Variants in SEPTIN9 observed in about 807,000 individuals in gnomAD.
SEPTIN9 encodes septin-9.
In SEPTIN9, 13 loss-of-function variants were observed where a neutral mutation model predicts 56.6. The ratio of observed to expected loss-of-function variants is 0.23; its 90% CI spans 0.15 to 0.37. The LOEUF is 0.37. Ranked by LOEUF, SEPTIN9 falls within the 10% of genes least tolerant of loss-of-function variation. The pLI, the probability that SEPTIN9 is intolerant of heterozygous loss-of-function variation, is 1.00. For missense variants in SEPTIN9, 650 were observed against 823.1 expected, an observed-to-expected ratio of 0.79 and a Z score of 2.57; for synonymous variants, 332 against 334.1, an observed-to-expected ratio of 0.99 and a Z score of 0.07.
intron 2 of SEPTIN9, among the ~76,000 whole-genome samples, chr17:77,351,499 C>T (rs937114400): frequency 6.6e-6 from 1 of 152,164 alleles, no homozygotes; most frequent in Admixed American, 6.5e-5. Flanking sequence ...TTGGGAGACA[C>T]GTCTGCAGCT....
Position 77,319,121 on chromosome 17 carries a change from C to T in SEPTIN9, c.76+11924C>T, listed in dbSNP as rs1000197578. On this transcript the variant is annotated intron_variant, in intron 2 of 11. Coordinates refer to ENST00000427177, the MANE Select transcript of SEPTIN9 (RefSeq NM_001113491.2). The surrounding 1 kb of genome is among the most constrained non-coding windows in gnomAD (Gnocchi z 5.3). ...CAGCCTTGGCACAAACACACATTCTCTTTAAACAGGCTTGGGCCAACAGAA... is the reference window on the plus strand; with the variant it reads ...CAGCCTTGGCACAAACACACATTCTTTTTAAACAGGCTTGGGCCAACAGAA... Among the ~76,000 whole-genome samples the T allele has an allele frequency of 4.6e-5, 7 of 152,220 alleles. No homozygotes were observed. The highest frequency in any genetic ancestry group is 1.7e-4 in the African/African-American group (7 of 41,452).
rs369845767 is a variant in SEPTIN9, at chr17:77,475,802, G to A, written c.722-6342G>A. Reference sequence around the variant, plus strand: ...CTGACAGGGTGTGGTGAGTGCCACCGGCTCCCCTGCCGTGGCCTGGTCAGT... The same window carrying A: ...CTGACAGGGTGTGGTGAGTGCCACCAGCTCCCCTGCCGTGGCCTGGTCAGT... On this transcript the variant is annotated intron_variant, in intron 3 of 11. Coordinates refer to ENST00000427177, the MANE Select transcript of SEPTIN9 (RefSeq NM_001113491.2). This position sits in a 1 kb window ranked among gnomAD's most constrained non-coding sequence, Gnocchi z 4.6. 5.6e-6 allele frequency: 9 copies of A among 1,613,318 alleles called. No homozygotes were observed. In the African/African-American group the frequency reaches 9.3e-5, roughly 17 times the overall value.
At chr17:77,381,049 G>C (rs1388194609) in intron 2 of SEPTIN9, among the ~76,000 whole-genome samples, 3 of 152,216 alleles carry the variant, frequency 2.0e-5, no homozygotes, top group African/African-American at 7.2e-5. Flanking sequence ...GTGGCATGAA[G>C]AACATTCCTG....
chr17:77,407,481 C>A (rs2036131891), intron 3 of SEPTIN9, among the ~76,000 whole-genome samples: 1 of 151,906 alleles, frequency 6.6e-6, no homozygotes, highest in Non-Finnish European at 1.5e-5. Flanking sequence ...TCCTGGTCAA[C>A]TTTACCCCCA....
rs773077664 is a variant in SEPTIN9 at position 77,492,627 on chromosome 17, G to A, written c.1387G>A (p.Ala463Thr). 1.4e-5 allele frequency: 23 copies of A among 1,613,852 alleles called. No individual in the cohort carries two copies. Among genetic ancestry groups the A allele is most frequent in the Non-Finnish European group, 1.9e-5 (23 of 1,179,924 alleles). Residue 463 changes from alanine (A) to threonine (T), a missense_variant, in exon 9 of 12, where the codon GCA becomes ACA. This residue lies in a region of SEPTIN9 where 333 missense variants were observed against 494.0 expected (regional missense o/e 0.67). Transcript: ENST00000427177. This position sits in a 1 kb window ranked among gnomAD's most constrained non-coding sequence, Gnocchi z 5.4. ...ERVHFKQRIT[A>T]DLLSNGIDVY... The stretch of plus-strand genomic sequence containing the variant: ...CTCTCCCTCCTTATCCCAGATCACC[G>A]CAGACCTGCTGTCCAACGGCATCGA...
At chr17:77,312,022 C>A (rs183751731) in intron 2 of SEPTIN9, among the ~76,000 whole-genome samples, 9 of 152,176 alleles carry the variant, frequency 5.9e-5, no homozygotes, top group African/African-American at 2.2e-4. Flanking sequence ...CCCCAGCACC[C>A]CCAGGTCTCA....
At position 77,499,486 on chromosome 17, in the gene SEPTIN9, GA is replaced by G. The variant is rs763953275; in HGVS notation, c.*832del. 92 of 506,284 alleles carry G rather than the reference GA, an allele frequency of 1.8e-4. No homozygotes were observed. Among genetic ancestry groups the G allele is most frequent in the Non-Finnish European group, 2.7e-4 (71 of 260,042 alleles). The allele number at this position is 506,284 out of a possible 1,614,324, so 31.4% of individuals were successfully genotyped here. A position where few individuals can be genotyped will look rare whatever the true frequency, so the allele number is the denominator to read the frequency against. On this transcript the variant is annotated 3_prime_UTR_variant, in exon 12 of 12. Transcript: ENST00000427177. ...CCCTACCCCCTCATCCCCCAGTTTT[GA>G]AAAGGTCTAAGCAAGTGAGTCTGGT...
chr17:77,491,005 G>A (rs889535421), intron 8 of SEPTIN9, 146 bp downstream of exon 8: 4 of 691,780 alleles, frequency 5.8e-6, no homozygotes, highest in Middle Eastern at 7.5e-4. Flanking sequence ...CTGGCCTGGT[G>A]GTCCCTGGCC....
chr17:77,337,195 G>C (rs1056422889), intron 2 of SEPTIN9, among the ~76,000 whole-genome samples: 1 of 151,922 alleles, frequency 6.6e-6, no homozygotes, highest in African/African-American at 2.4e-5. Context: ...TTTTTGTACA[G>C]ATGGGGTCTC....
chr17:77,447,661 G>T (rs541574784), intron 3 of SEPTIN9, among the ~76,000 whole-genome samples: 1 of 152,370 alleles, frequency 6.6e-6, no homozygotes, highest in South Asian at 2.1e-4. Flanking sequence ...GTCTCGCTCT[G>T]TCGCCCAGGC....
intron 2 of SEPTIN9, among the ~76,000 whole-genome samples, chr17:77,332,922 T>TA (rs1222166153): frequency 1.3e-5 from 2 of 152,232 alleles, no homozygotes; most frequent in Non-Finnish European, 2.9e-5. Flanking sequence ...GTAAACCTGT[T>TA]ACGCTGGTTC....
chr17:77,356,904 G>C (rs942815758), intron 2 of SEPTIN9, among the ~76,000 whole-genome samples: 2 of 150,118 alleles, frequency 1.3e-5, no homozygotes, highest in Admixed American at 1.3e-4. Context: ...AGAGGGGAAG[G>C]CGCCGTGGTA....
At chr17:77,426,524 C>T (rs1036437645) in intron 3 of SEPTIN9, among the ~76,000 whole-genome samples, 1 of 152,190 alleles carries the variant, frequency 6.6e-6, no homozygotes. Context: ...CCACTCCCCT[C>T]AGCCCCTGTT....
chr17:77,289,511 C>T lies in SEPTIN9; in HGVS notation c.19+7957C>T, dbSNP rs572386240. Among the ~76,000 whole-genome samples the T allele has an allele frequency of 3.3e-5, 5 of 150,482 alleles. No individual in the cohort carries two copies. In the South Asian group the frequency reaches 6.3e-4, roughly 19 times the overall value. ...GCAACCTCCACCTCCCGGGTTCAAG[C>T]GATTCTCTTGCCTCAGCCTCCCAAG... is the stretch of plus-strand genomic sequence containing the variant. On this transcript the variant is annotated intron_variant, in intron 1 of 11. Transcript: ENST00000427177.
intron 1 of SEPTIN9, among the ~76,000 whole-genome samples, chr17:77,299,130 T>A: frequency 6.6e-6 from 1 of 152,218 alleles, no homozygotes; most frequent in East Asian, 1.9e-4. Flanking sequence ...GGCAGTCCTG[T>A]CCAAGGCCAC....
chr17:77,442,527 AAG>A (rs1316579685), intron 3 of SEPTIN9, among the ~76,000 whole-genome samples: 1 of 150,170 alleles, frequency 6.7e-6, no homozygotes, highest in Non-Finnish European at 1.5e-5. Context: ...AAAAAAAAAA[AAG>A]AACTTAGGGC....
chr17:77,426,491 C>T lies in SEPTIN9; in HGVS notation c.721+23788C>T, dbSNP rs1231933090. 2.0e-5 allele frequency among the ~76,000 whole-genome samples: 3 copies of T among 152,116 alleles called. 1 individual carries two copies. In the East Asian group the frequency reaches 5.8e-4, roughly 29 times the overall value. On this transcript the variant is annotated intron_variant, in intron 3 of 11. Coordinates refer to ENST00000427177, the MANE Select transcript of SEPTIN9 (RefSeq NM_001113491.2). ...GGGCGCTGACTCATCGTGGGGCGGC[C>T]TGTGAGACCCTACGTCACCTGGCCA... is the stretch of plus-strand genomic sequence containing the variant.
chr17:77,294,909 T>C (rs2031737190), intron 1 of SEPTIN9: 1 of 152,120 alleles, frequency 6.6e-6, no homozygotes, highest in Non-Finnish European at 1.5e-5. Flanking sequence ...GAACGGTGAG[T>C]GGAGCGAGTA....
intron 3 of SEPTIN9, among the ~76,000 whole-genome samples, chr17:77,480,798 G>A (rs574082234): frequency 6.6e-6 from 1 of 152,172 alleles, no homozygotes; most frequent in Non-Finnish European, 1.5e-5. Flanking sequence ...AGCGCAGGAT[G>A]CCTGAGGCCA....
Sources: allele counts gnomAD v4.1 joint callset (sites outside exome capture counted in the v4.1 genomes callset), GRCh38; gene constraint gnomAD v4.1.1; regional missense constraint gnomAD v4.1.1; non-coding constraint Gnocchi (gnomAD v3.1); transcripts MANE v1.5; gene names NCBI Gene and HGNC (gene_info 2026-07-23, HGNC 2026-07-21).